Variants in TRERF1 observed in about 807,000 individuals in gnomAD.
The protein encoded by TRERF1 is transcriptional regulating factor 1, also known as transcriptional-regulating factor 1.
TRERF1 carries 27 observed loss-of-function variants against 122.9 expected under a neutral mutation model. That is an observed-to-expected ratio of 0.22 (90% CI 0.16 to 0.30). TRERF1 has a LOEUF of 0.30. TRERF1 is among the 10% of genes least tolerant of loss of function. The pLI is 1.00. For synonymous variants in TRERF1, 636 were observed against 641.7 expected (o/e 0.99, Z 0.13); for missense variants, 1,248 against 1,560.3 (o/e 0.80, Z 3.37).
rs1473155381 is a variant in TRERF1 at position 42,390,834 on chromosome 6, G to A, written c.-453-27755C>T. Among the ~76,000 whole-genome samples the A allele has an allele frequency of 1.1e-4, 17 of 152,140 alleles. No individual in the cohort carries two copies. In the East Asian group the frequency reaches 3.1e-3, roughly 28 times the overall value. On this transcript the variant is annotated intron_variant, in intron 2 of 17. Transcript: ENST00000372922. ...TAGTACCAAGTGGCTTACAGCTGGG[G>A]GCAAGGGGAAAAAACACTTGACACC...
intron 3 of TRERF1, among the ~76,000 whole-genome samples, chr6:42,312,420 A>G (rs1323499134): frequency 6.6e-6 from 1 of 152,238 alleles, no homozygotes; most frequent in Admixed American, 6.5e-5. Context: ...GATTCAAGGC[A>G]GCACTGGATC....
intron 3 of TRERF1, among the ~76,000 whole-genome samples, chr6:42,329,215 C>T (rs1202306602): frequency 1.3e-5 from 2 of 152,038 alleles, no homozygotes; most frequent in Non-Finnish European, 2.9e-5. Context: ...CAGGAACAGC[C>T]CCTCCTCTTG....
At chr6:42,270,194 T>C (rs1027100635) in intron 4 of TRERF1, among the ~76,000 whole-genome samples, 1 of 151,448 alleles carries the variant, frequency 6.6e-6, no homozygotes, top group Non-Finnish European at 1.5e-5. Context: ...TCTCTCTCTC[T>C]CTGTGTGTGT....
At chr6:42,383,576 C>T (rs1776311546) in intron 2 of TRERF1, among the ~76,000 whole-genome samples, 1 of 152,084 alleles carries the variant, frequency 6.6e-6, no homozygotes, top group Non-Finnish European at 1.5e-5. Context: ...GGGGTGAGGA[C>T]CAGAAACCAC....
chr6:42,366,781 C>T (rs575574991), intron 2 of TRERF1, among the ~76,000 whole-genome samples: 10 of 152,260 alleles, frequency 6.6e-5, no homozygotes, highest in African/African-American at 2.2e-4. Context: ...TATGGACCAC[C>T]ATCTAACAAT....
chr6:42,365,082 G>A (rs1772483429), intron 2 of TRERF1, among the ~76,000 whole-genome samples: 1 of 152,178 alleles, frequency 6.6e-6, no homozygotes, highest in African/African-American at 2.4e-5. Context: ...AGTGAACACA[G>A]AAGCCAGGTT....
At chr6:42,311,118 A>G (rs1004645667) in intron 3 of TRERF1, among the ~76,000 whole-genome samples, 13 of 152,230 alleles carry the variant, frequency 8.5e-5, no homozygotes, top group African/African-American at 2.7e-4. Flanking sequence ...GAAACAAATA[A>G]AAGGTCCCTG....
At chr6:42,353,410 A>T (rs1769862036) in intron 3 of TRERF1, among the ~76,000 whole-genome samples, 1 of 152,040 alleles carries the variant, frequency 6.6e-6, no homozygotes, top group Admixed American at 6.6e-5. Flanking sequence ...AACATGGTGG[A>T]ACGCTCTCTT....
intron 4 of TRERF1, among the ~76,000 whole-genome samples, chr6:42,281,465 ATC>A (rs1782291337): frequency 6.6e-6 from 1 of 152,042 alleles, no homozygotes; most frequent in African/African-American, 2.4e-5. Context: ...GTTTTTTAAA[ATC>A]TCTCCCTCTC....
chr6:42,418,266 CTT>C (rs60655151), intron 2 of TRERF1, among the ~76,000 whole-genome samples: 12 of 37,016 alleles, frequency 3.2e-4, no homozygotes, highest in African/African-American at 1.2e-3. Context: ...TTCTTTCTTT[CTT>C]TTTTTTTTTT....
chr6:42,338,375 C>T (rs116634113), intron 3 of TRERF1, among the ~76,000 whole-genome samples: 2,602 of 152,186 alleles, frequency 0.017, 41 homozygotes, highest in Non-Finnish European at 0.027. Context: ...GGTCACGGGA[C>T]GTGGGTAGGG....
chr6:42,411,527 A>G (rs1006709363), intron 2 of TRERF1, among the ~76,000 whole-genome samples: 1 of 152,216 alleles, frequency 6.6e-6, no homozygotes, highest in African/African-American at 2.4e-5. Flanking sequence ...AACGGGACAC[A>G]GGAACGAGGC....
At chr6:42,274,015 T>C (rs1270864068) in intron 4 of TRERF1, among the ~76,000 whole-genome samples, 1 of 152,356 alleles carries the variant, frequency 6.6e-6, no homozygotes, top group East Asian at 1.9e-4. Flanking sequence ...TATTCTTTAT[T>C]TGTTGACATT....
chr6:42,292,488 T>C (rs116665099), intron 4 of TRERF1, among the ~76,000 whole-genome samples: 232 of 152,310 alleles, frequency 1.5e-3, no homozygotes, highest in African/African-American at 5.3e-3. Context: ...GTTCGTTCAG[T>C]AGAATTGTTC....
chr6:42,430,741 C>T (rs905323481), intron 2 of TRERF1, among the ~76,000 whole-genome samples: 1 of 152,028 alleles, frequency 6.6e-6, no homozygotes, highest in African/African-American at 2.4e-5. Flanking sequence ...TACTAAAATA[C>T]AAAAAATTAG....
rs59159203 is a variant in TRERF1, at chr6:42,258,175, C to T, written c.2296G>A (p.Val766Ile). The stretch of plus-strand genomic sequence containing the variant: ...GTCTGCTCTCCAGGCCCTGGGGTGA[C>T]CGTCACGTTGCTGCCATCGATGCTG... Residue 766 changes from valine to isoleucine, a missense_variant, in exon 10 of 18, where the codon GTC becomes ATC. By Grantham distance (29) the Val-to-Ile change is conservative. Transcript: ENST00000372922. The T allele has an allele frequency of 1.2e-3, 1,954 of 1,614,178 alleles. 30 individuals carry two copies. In the African/African-American group the frequency reaches 0.024, roughly 19 times the overall value.
At chr6:42,379,734 T>C (rs1775580027) in intron 2 of TRERF1, among the ~76,000 whole-genome samples, 1 of 152,176 alleles carries the variant, frequency 6.6e-6, no homozygotes. Flanking sequence ...TTTCGCCATG[T>C]TGCCCATGCT....
intron 2 of TRERF1, among the ~76,000 whole-genome samples, chr6:42,421,679 CAGG>C (rs1343834829): frequency 6.6e-6 from 1 of 152,080 alleles, no homozygotes; most frequent in African/African-American, 2.4e-5. Flanking sequence ...GAGGCTGAGG[CAGG>C]AGAACTGCTT....
At chr6:42,333,416 C>T (rs1765577309) in intron 3 of TRERF1, among the ~76,000 whole-genome samples, 1 of 152,222 alleles carries the variant, frequency 6.6e-6, no homozygotes, top group South Asian at 2.1e-4. Flanking sequence ...GGATGTTTCC[C>T]TTTGTTATCC....
Sources: allele counts gnomAD v4.1 joint callset (sites outside exome capture counted in the v4.1 genomes callset), GRCh38; gene constraint gnomAD v4.1.1; transcripts MANE v1.5; gene names NCBI Gene and HGNC (gene_info 2026-07-23, HGNC 2026-07-21).